EHD3: variants seen among roughly 807,000 people sequenced by gnomAD.
The protein encoded by EHD3 is EH domain containing 3, also known as EH domain-containing protein 3.
EHD3 carries 17 observed loss-of-function variants against 43.0 expected under a neutral mutation model. The ratio of observed to expected loss-of-function variants is 0.40; its 90% CI spans 0.27 to 0.59. EHD3 has a LOEUF of 0.59. Ranked by LOEUF, EHD3 falls within the 20% of genes least tolerant of loss-of-function variation. The pLI is 0.49. For missense variants in EHD3, 594 were observed against 705.6 expected, an observed-to-expected ratio of 0.84 and a Z score of 1.79; for synonymous variants, 313 against 289.5, an observed-to-expected ratio of 1.08 and a Z score of -0.82.
intron 5 of EHD3, among the ~76,000 whole-genome samples, chr2:31,263,765 G>T (rs1572474171): frequency 6.6e-6 from 1 of 152,226 alleles, no homozygotes; most frequent in Non-Finnish European, 1.5e-5. Context: ...GACTAGCTGT[G>T]CTTCACCCTG....
Position 31,234,579 on chromosome 2 carries a change from G to C in EHD3, c.-43G>C. On this transcript the variant is annotated 5_prime_UTR_variant, in exon 1 of 6. Transcript: ENST00000322054. ...ACGGGACATCTTCCCCTGAGGAGGA[G>C]TCTTCCCCTGGGGCTGCGTGCCGGG... 6.2e-7 allele frequency: 1 copy of C among 1,603,522 alleles called. No homozygotes were observed. Among genetic ancestry groups the C allele is most frequent in the Admixed American group, 1.7e-5 (1 of 59,962 alleles).
Position 31,266,786 on chromosome 2 carries a change from ACACACACAAACATG to A in EHD3, c.*91_*104del. On this transcript the variant is annotated 3_prime_UTR_variant, in exon 6 of 6. Transcript: ENST00000322054. This position sits in a 1 kb window ranked among gnomAD's most constrained non-coding sequence, Gnocchi z 5.1. ...TACACACACACACACACACACACACACACACACAAACATGCACACACACATATGCATATCTTGAC... is the reference window on the plus strand; with the variant it reads ...TACACACACACACACACACACACACACACACACACATATGCATATCTTGAC... 1 of 1,400,656 alleles carries A rather than the reference ACACACACAAACATG, an allele frequency of 7.1e-7. No individual in the cohort carries two copies. The highest frequency in any genetic ancestry group is 9.6e-7 in the Non-Finnish European group (1 of 1,037,890). 86.8% of individuals were successfully genotyped at this position (1,400,656 alleles called of 1,614,324 possible).
chr2:31,268,438 A>T lies in EHD3; in HGVS notation c.*1734A>T, dbSNP rs1329057172. 1 of 152,590 alleles carries T rather than the reference A, an allele frequency of 6.6e-6. No homozygotes were observed. Among genetic ancestry groups the T allele is most frequent in the Admixed American group, 6.5e-5 (1 of 15,288 alleles). The allele number at this position is 152,590 out of a possible 1,614,324, so 9.5% of individuals were successfully genotyped here. Reference sequence around the variant, plus strand: ...ATCATTCAATGGAGGCTGAGGGAGAAGGGCTGGGTTCTTACTTGGAGTTCC... The same window carrying T: ...ATCATTCAATGGAGGCTGAGGGAGATGGGCTGGGTTCTTACTTGGAGTTCC... On this transcript the variant is annotated 3_prime_UTR_variant, in exon 6 of 6. Transcript: ENST00000322054.
chr2:31,252,632 A>G (rs564013826), intron 3 of EHD3, among the ~76,000 whole-genome samples: 6 of 152,082 alleles, frequency 3.9e-5, no homozygotes, highest in African/African-American at 1.4e-4. Context: ...GCGCCACCAC[A>G]CCCAGCTAAT....
Position 31,260,354 on chromosome 2 carries a change from T to C in EHD3, c.503-156T>C, listed in dbSNP as rs888615836. Among the ~76,000 whole-genome samples, 16 of 152,190 alleles carry C rather than the reference T, an allele frequency of 1.1e-4. No individual in the cohort carries two copies. The highest frequency in any genetic ancestry group is 3.6e-4 in the African/African-American group (15 of 41,444). On this transcript the variant is annotated intron_variant, in intron 3 of 5. Transcript: ENST00000322054. This position sits in a 1 kb window ranked among gnomAD's most constrained non-coding sequence, Gnocchi z 4.6. ...AAAATTCTATGAGACATTGAGTAAT[T>C]TGCTGGAGTCCAAACAGTTAAAATG...
At chr2:31,263,913 A>G (rs1410024297) in intron 5 of EHD3, among the ~76,000 whole-genome samples, 2 of 152,312 alleles carry the variant, frequency 1.3e-5, no homozygotes, top group East Asian at 3.9e-4. Flanking sequence ...AATTGCAGAG[A>G]CCTGCAAAGT....
Position 31,260,368 on chromosome 2 carries a change from A to C in EHD3, c.503-142A>C. 1 of 812,956 alleles carries C rather than the reference A, an allele frequency of 1.2e-6. No individual in the cohort carries two copies. Among genetic ancestry groups the C allele is most frequent in the Non-Finnish European group, 1.8e-6 (1 of 550,912 alleles). 50.4% of individuals were successfully genotyped at this position (812,956 alleles called of 1,614,324 possible). ...CATTGAGTAATTTGCTGGAGTCCAA[A>C]CAGTTAAAATGTGGAGGAGCCAGGA... On this transcript the variant is annotated intron_variant, in intron 3 of 5. Transcript: ENST00000322054. This position sits in a 1 kb window ranked among gnomAD's most constrained non-coding sequence, Gnocchi z 4.6.
At chr2:31,256,662 C>A (rs955347088) in intron 3 of EHD3, among the ~76,000 whole-genome samples, 2 of 152,218 alleles carry the variant, frequency 1.3e-5, no homozygotes, top group Middle Eastern at 3.2e-3. Flanking sequence ...CCTGTTCTGG[C>A]AGCATGGACA....
chr2:31,254,133 A>G (rs548574772), intron 3 of EHD3, among the ~76,000 whole-genome samples: 14 of 152,256 alleles, frequency 9.2e-5, no homozygotes, highest in African/African-American at 3.4e-4. Context: ...ATTTGCCCGG[A>G]TCACACATCT....
chr2:31,250,883 G>A (rs999722102), intron 3 of EHD3, among the ~76,000 whole-genome samples: 1 of 152,242 alleles, frequency 6.6e-6, no homozygotes. Flanking sequence ...GACCTAGGTA[G>A]GTGACTGTCT....
Position 31,260,419 on chromosome 2 carries a change from A to G in EHD3, c.503-91A>G, listed in dbSNP as rs766385936. The G allele has an allele frequency of 3.5e-4, 461 of 1,308,104 alleles. No homozygotes were observed. Among genetic ancestry groups the G allele is most frequent in the Non-Finnish European group, 4.1e-4 (395 of 959,798 alleles). The allele number at this position is 1,308,104 out of a possible 1,614,324, so 81.0% of individuals were successfully genotyped here. On this transcript the variant is annotated intron_variant, in intron 3 of 5. Coordinates refer to ENST00000322054, the MANE Select transcript of EHD3 (RefSeq NM_014600.3). The surrounding 1 kb of genome is among the most constrained non-coding windows in gnomAD (Gnocchi z 4.6). Reference sequence around the variant, plus strand: ...TTTAAACTTAGATCTGACTCCCAAGACTGTGTTATTTCTACCACACCCGAC... The same window carrying G: ...TTTAAACTTAGATCTGACTCCCAAGGCTGTGTTATTTCTACCACACCCGAC...
At chr2:31,244,015 G>A (rs568530561) in intron 1 of EHD3, among the ~76,000 whole-genome samples, 1 of 150,058 alleles carries the variant, frequency 6.7e-6, no homozygotes, top group East Asian at 2.0e-4. Flanking sequence ...TTCTACCCCC[G>A]CCCACCAGCC....
In EHD3 at chr2:31,268,504, C is replaced by G. The variant is rs979975149; in HGVS notation, c.*1800C>G. 20 of 152,266 alleles carry G rather than the reference C, an allele frequency of 1.3e-4. No individual in the cohort carries two copies. Among genetic ancestry groups the G allele is most frequent in the African/African-American group, 4.8e-4 (20 of 41,454 alleles). The allele number at this position is 152,266 out of a possible 1,614,324, so 9.4% of individuals were successfully genotyped here. On this transcript the variant is annotated 3_prime_UTR_variant, in exon 6 of 6. Coordinates refer to ENST00000322054, the MANE Select transcript of EHD3 (RefSeq NM_014600.3). Reference sequence around the variant, plus strand: ...CTGGAAAGGGCTCACTGGGGCCACCCAATGGCCAGCATCCACAACCAGCTT... The same window carrying G: ...CTGGAAAGGGCTCACTGGGGCCACCGAATGGCCAGCATCCACAACCAGCTT...
chr2:31,243,456 C>CTTTTTTTTTTTTTTTT (rs1418621028), intron 1 of EHD3, among the ~76,000 whole-genome samples: 1 of 93,316 alleles, frequency 1.1e-5, no homozygotes, highest in African/African-American at 5.1e-5. Context: ...TTCTTTCTTT[C>CTTTTTTTTTTTTTTTT]TTTCTTTTTT....
intron 3 of EHD3, among the ~76,000 whole-genome samples, chr2:31,253,203 C>A (rs1683672696): frequency 7.8e-6 from 1 of 128,604 alleles, no homozygotes; most frequent in Non-Finnish European, 1.6e-5. Context: ...TCACACATAT[C>A]CTGCATATAC....
Position 31,266,627 on chromosome 2 carries a change from A to C in EHD3, c.1531A>C (p.Lys511Gln). Residue 511 changes from lysine to glutamine, a missense_variant, in exon 6 of 6, where the codon AAG becomes CAG. Transcript: ENST00000322054. The surrounding 1 kb of genome is among the most constrained non-coding windows in gnomAD (Gnocchi z 5.1). ...FALANHLIKVKLEGHELPNEL... is the reference protein window; with the variant it reads ...FALANHLIKVQLEGHELPNEL... Reference sequence around the variant, plus strand: ...ACTGGCCAACCACCTCATCAAAGTCAAGCTGGAGGGGCACGAGCTGCCCAA... The same window carrying C: ...ACTGGCCAACCACCTCATCAAAGTCCAGCTGGAGGGGCACGAGCTGCCCAA... 2 of 1,613,990 alleles carry C rather than the reference A, an allele frequency of 1.2e-6. No homozygotes were observed. The highest frequency in any genetic ancestry group is 1.7e-6 in the Non-Finnish European group (2 of 1,179,962).
intron 1 of EHD3, 84 bp from the exon 2 acceptor site, chr2:31,244,190 C>G: frequency 2.9e-6 from 4 of 1,382,732 alleles, no homozygotes; most frequent in Non-Finnish European, 3.9e-6. Flanking sequence ...CCCTCTGACT[C>G]GCATGTTGTC....
chr2:31,254,484 T>C (rs576904685), intron 3 of EHD3, among the ~76,000 whole-genome samples: 13 of 152,370 alleles, frequency 8.5e-5, no homozygotes, highest in African/African-American at 3.1e-4. Context: ...AACCATCTGC[T>C]CGGGCCGCTC....
chr2:31,243,456 C>CTTTTTTTTTTTTT (rs1418621028), intron 1 of EHD3, among the ~76,000 whole-genome samples: 2 of 93,314 alleles, frequency 2.1e-5, no homozygotes, highest in Admixed American at 1.2e-4. Flanking sequence ...TTCTTTCTTT[C>CTTTTTTTTTTTTT]TTTCTTTTTT....
Sources: allele counts gnomAD v4.1 joint callset (sites outside exome capture counted in the v4.1 genomes callset), GRCh38; gene constraint gnomAD v4.1.1; non-coding constraint Gnocchi (gnomAD v3.1); transcripts MANE v1.5; gene names NCBI Gene and HGNC (gene_info 2026-07-23, HGNC 2026-07-21).